Variants in KDM2B observed in about 807,000 individuals in gnomAD.
The protein encoded by KDM2B is lysine-specific demethylase 2B.
Under a neutral mutation model 150.0 loss-of-function variants are expected in KDM2B, and 26 were observed. The observed-to-expected ratio is 0.17, with a 90% CI of 0.13 to 0.24. The LOEUF is 0.24. Among genes scored for constraint, KDM2B ranks in the 10% least tolerant of loss-of-function variants. KDM2B has a pLI of 1.00. For missense variants in KDM2B, 1,265 were observed against 1,816.9 expected (o/e 0.70, Z 5.52); for synonymous variants, 734 against 729.5 (o/e 1.01, Z -0.10).
chr12:121,416,012 T>C, the KDM2B span: 1 of 616,342 alleles, frequency 1.6e-6, no homozygotes, highest in African/African-American at 1.8e-5. Flanking sequence ...TCTTTCCAAA[T>C]GGCTTGAAAT....
intron 6 of KDM2B, among the ~76,000 whole-genome samples, chr12:121,546,169 C>T (rs1429028486): frequency 1.3e-5 from 2 of 152,108 alleles, no homozygotes; most frequent in Non-Finnish European, 2.9e-5. Context: ...CTGGTTTCCT[C>T]CCCACTGTAA....
the KDM2B span, among the ~76,000 whole-genome samples, chr12:121,410,136 A>G: frequency 1.3e-5 from 2 of 151,028 alleles, no homozygotes; most frequent in Non-Finnish European, 2.9e-5. Context: ...CCTGGGCAAC[A>G]AGAGCGAAAC....
chr12:121,463,007 C>T (rs1447826658), intron 12 of KDM2B, among the ~76,000 whole-genome samples: 21 of 143,272 alleles, frequency 1.5e-4, no homozygotes, highest in Middle Eastern at 3.5e-3. Context: ...AAGTGAGACC[C>T]TGCCTCAGCA....
chr12:121,412,621 C>T, the KDM2B span, among the ~76,000 whole-genome samples: 1 of 152,014 alleles, frequency 6.6e-6, no homozygotes, highest in Admixed American at 6.6e-5. Flanking sequence ...TCATGTGATC[C>T]ACCCGCCTTG....
the KDM2B span, among the ~76,000 whole-genome samples, chr12:121,422,992 C>T: frequency 6.6e-6 from 1 of 152,162 alleles, no homozygotes; most frequent in Non-Finnish European, 1.5e-5. Context: ...AAAGCTGGGG[C>T]AACTGAGTTA....
chr12:121,495,179 T>TG (rs1883796237), intron 11 of KDM2B, among the ~76,000 whole-genome samples: 1 of 151,884 alleles, frequency 6.6e-6, no homozygotes, highest in African/African-American at 2.4e-5. Context: ...TTTTTTTTTT[T>TG]TAGACAAAGT....
intron 11 of KDM2B, among the ~76,000 whole-genome samples, chr12:121,502,034 C>T (rs1264606652): frequency 6.6e-6 from 1 of 152,092 alleles, no homozygotes; most frequent in Admixed American, 6.6e-5. Context: ...AGGTGTGTTC[C>T]AGGGTCGGGA....
rs373816632 is a variant in KDM2B, at chr12:121,575,988, T to G, written c.272-129A>C. The G allele has an allele frequency of 7.3e-6, 5 of 684,656 alleles. No homozygotes were observed. The African/African-American group carries it at 8.9e-5, about 12-fold the overall frequency. 42.4% of individuals were successfully genotyped at this position (684,656 alleles called of 1,614,324 possible). ...GGGTCCAGGAGATGCAGGCACCAGC[T>G]GTACAGCAAAAGCTCCTTGGAAAAT... is the stretch of plus-strand genomic sequence containing the variant. On this transcript the variant is annotated intron_variant, in intron 2 of 22. Coordinates refer to ENST00000377071, the MANE Select transcript of KDM2B (RefSeq NM_032590.5). The surrounding 1 kb of genome is among the most constrained non-coding windows in gnomAD (Gnocchi z 4.4).
Position 121,441,288 on chromosome 12 carries a change from C to T in KDM2B, c.3285-55G>A. 5 of 1,559,330 alleles carry T rather than the reference C, an allele frequency of 3.2e-6. No individual in the cohort carries two copies. In the South Asian group the frequency reaches 5.7e-5, roughly 18 times the overall value. On this transcript the variant is annotated intron_variant, in intron 19 of 22. Transcript: ENST00000377071. ...TCAGAGGTGGGGCTCCTCTAGGGAG[C>T]CCACACACAGCTCTTAACTGTCCCC...
chr12:121,414,012 T>A, the KDM2B span, among the ~76,000 whole-genome samples: 1 of 152,232 alleles, frequency 6.6e-6, no homozygotes, highest in African/African-American at 2.4e-5. Context: ...CTCCTTTCTT[T>A]ATAATACAAC....
At chr12:121,413,110 C>G in the KDM2B span, among the ~76,000 whole-genome samples, 1 of 148,772 alleles carries the variant, frequency 6.7e-6, no homozygotes, top group Non-Finnish European at 1.5e-5. Flanking sequence ...ACTGCAACCT[C>G]CGCCTCCCCG....
chr12:121,580,338 G>A lies in KDM2B; in HGVS notation c.126+448C>T, dbSNP rs368224964. 1.0e-5 allele frequency: 12 copies of A among 1,159,226 alleles called. No homozygotes were observed. In the South Asian group the frequency reaches 3.9e-4, roughly 37 times the overall value. 71.8% of individuals were successfully genotyped at this position (1,159,226 alleles called of 1,614,324 possible). A position where few individuals can be genotyped will look rare whatever the true frequency, so the allele number is the denominator to read the frequency against. On this transcript the variant is annotated intron_variant, in intron 1 of 22. Coordinates refer to ENST00000377071, the MANE Select transcript of KDM2B (RefSeq NM_032590.5). ...TCGGAGCCCGCGGCCGGGCTATTTG[G>A]GGGGGCTCTCGGCCCGGGCTTGGGG... is the stretch of plus-strand genomic sequence containing the variant.
chr12:121,536,158 G>T (rs1888077464), intron 6 of KDM2B: 1 of 943,738 alleles, frequency 1.1e-6, no homozygotes, highest in Non-Finnish European at 1.3e-6. Flanking sequence ...TGGTTAGAAG[G>T]CGGAGGGCTC....
At chr12:121,432,379 A>G (rs1201584669) in intron 22 of KDM2B, among the ~76,000 whole-genome samples, 2 of 152,228 alleles carry the variant, frequency 1.3e-5, no homozygotes, top group Non-Finnish European at 2.9e-5. Flanking sequence ...AGTATAAAGA[A>G]TAGGGATTTT....
the KDM2B span, among the ~76,000 whole-genome samples, chr12:121,417,000 C>G: frequency 6.6e-6 from 1 of 152,198 alleles, no homozygotes; most frequent in Admixed American, 6.5e-5. Flanking sequence ...AGTGGCAAGG[C>G]TTTGATTGTG....
At chr12:121,555,985 G>A (rs1398365785) in intron 4 of KDM2B, among the ~76,000 whole-genome samples, 1 of 151,598 alleles carries the variant, frequency 6.6e-6, no homozygotes, top group African/African-American at 2.4e-5. Flanking sequence ...GGAGTACAGT[G>A]GCACGATCTC....
At chr12:121,505,608 G>A (rs12317418) in intron 11 of KDM2B, among the ~76,000 whole-genome samples, 4 of 152,130 alleles carry the variant, frequency 2.6e-5, no homozygotes, top group Non-Finnish European at 5.9e-5. Context: ...CCAAAACCTA[G>A]CCATCTAGGG....
the KDM2B span, among the ~76,000 whole-genome samples, chr12:121,410,970 C>T: frequency 6.6e-6 from 1 of 152,094 alleles, no homozygotes; most frequent in African/African-American, 2.4e-5. Context: ...GGTCTCACTC[C>T]GTCACCCAGG....
intron 4 of KDM2B, among the ~76,000 whole-genome samples, chr12:121,551,912 A>C (rs1446856732): frequency 1.3e-5 from 2 of 152,162 alleles, no homozygotes; most frequent in East Asian, 3.8e-4. Context: ...AAAAGGAAAC[A>C]AAAAAAGAAA....
Sources: gnomAD v4.1 joint callset for allele counts (sites outside exome capture counted in the v4.1 genomes callset) on GRCh38, gnomAD v4.1.1 for gene constraint, Gnocchi (gnomAD v3.1) non-coding constraint, MANE v1.5 for transcripts, NCBI Gene and HGNC (gene_info 2026-07-23, HGNC 2026-07-21) for gene names.